CD96: variants seen among roughly 807,000 people sequenced by gnomAD.
The protein encoded by CD96 is T-cell surface protein tactile.
Under a neutral mutation model 71.3 loss-of-function variants are expected in CD96, and 70 were observed. The observed-to-expected ratio is 0.98, with a 90% CI of 0.81 to 1.20. The LOEUF (loss-of-function observed/expected upper bound fraction) is 1.20, where lower values mean the gene tolerates loss of function less well. Among genes scored for constraint, CD96 ranks in the 50% most tolerant of loss-of-function variants. The probability of loss-of-function intolerance (pLI) is 0.00; values close to 1 mark genes in which losing one functional copy is unlikely to be tolerated. For synonymous variants in CD96, 248 were observed against 233.0 expected (o/e 1.06, Z -0.59); for missense variants, 742 against 677.5 (o/e 1.10, Z -1.06).
chr3:111,660,771 G>T (rs1940335265), intron 14 of CD96, among the ~76,000 whole-genome samples: 1 of 152,218 alleles, frequency 6.6e-6, no homozygotes, highest in Admixed American at 6.5e-5. Context: ...AATGGGGAAA[G>T]AACTCCTAAT....
intron 14 of CD96, among the ~76,000 whole-genome samples, chr3:111,663,521 CA>C (rs1559785994): frequency 1.3e-5 from 2 of 151,804 alleles, no homozygotes; most frequent in Admixed American, 6.6e-5. Context: ...AATCAACAAG[CA>C]AAAAACAACT....
intron 12 of CD96, among the ~76,000 whole-genome samples, chr3:111,640,415 A>G (rs758631972): frequency 2.0e-5 from 3 of 152,206 alleles, no homozygotes; most frequent in Non-Finnish European, 4.4e-5. Context: ...AAGATCTTCA[A>G]ATTAACTCTG....
intron 5 of CD96, chr3:111,593,596 G>T (rs768726793): frequency 1.5e-5 from 24 of 1,558,060 alleles, no homozygotes; most frequent in East Asian, 2.3e-5. Context: ...TCTCCCGCTG[G>T]CATGCCTCCT....
chr3:111,597,084 A>C (rs186580204), intron 5 of CD96, among the ~76,000 whole-genome samples: 39 of 152,374 alleles, frequency 2.6e-4, no homozygotes, highest in African/African-American at 8.9e-4. Flanking sequence ...GGATTGGCAC[A>C]CAAATCATCA....
At chr3:111,643,765 G>T (rs558844323) in intron 12 of CD96, among the ~76,000 whole-genome samples, 1 of 149,398 alleles carries the variant, frequency 6.7e-6, no homozygotes, top group Admixed American at 6.7e-5. Context: ...AAATACTTAG[G>T]AATATCCTAA....
At chr3:111,639,927 G>A (rs1388490323) in intron 12 of CD96, among the ~76,000 whole-genome samples, 1 of 152,174 alleles carries the variant, frequency 6.6e-6, no homozygotes, top group Non-Finnish European at 1.5e-5. Flanking sequence ...CATAGGAAAA[G>A]GGGGAGCGTC....
At chr3:111,637,933 C>A (rs1344981777) in intron 11 of CD96, 146 bp from the exon 12 acceptor site, 6 of 661,964 alleles carry the variant, frequency 9.1e-6, no homozygotes, top group South Asian at 1.7e-5. Flanking sequence ...TAAATTGGTT[C>A]TTAATAAACT....
intron 1 of CD96, among the ~76,000 whole-genome samples, chr3:111,544,276 C>T (rs1337106494): frequency 6.6e-6 from 1 of 152,172 alleles, no homozygotes; most frequent in Non-Finnish European, 1.5e-5. Flanking sequence ...TCCCAAGTAG[C>T]TGGGACTACA....
intron 8 of CD96, among the ~76,000 whole-genome samples, chr3:111,614,252 A>T (rs1439697785): frequency 6.6e-6 from 1 of 152,128 alleles, no homozygotes; most frequent in Non-Finnish European, 1.5e-5. Flanking sequence ...GAGACAGGGA[A>T]TGTCTCTGAT....
At chr3:111,576,236 A>G (rs1936216929) in intron 3 of CD96, among the ~76,000 whole-genome samples, 1 of 152,216 alleles carries the variant, frequency 6.6e-6, no homozygotes, top group South Asian at 2.1e-4. Context: ...AGAACAGGAA[A>G]AGAAAAAACT....
At chr3:111,570,499 C>A in intron 3 of CD96, 1 of 827,192 alleles carries the variant, frequency 1.2e-6, no homozygotes, top group Non-Finnish European at 1.9e-6. Context: ...AGTGGAGCCA[C>A]CAAGGTAGAA....
chr3:111,581,376 G>C (rs1035841157), intron 4 of CD96, among the ~76,000 whole-genome samples: 1 of 152,008 alleles, frequency 6.6e-6, no homozygotes, highest in Non-Finnish European at 1.5e-5. Context: ...ACATCCCTTG[G>C]TGATTCCTCA....
rs145502668 is a variant in CD96, at chr3:111,611,629, A to G, written c.1180+4837A>G. Among the ~76,000 whole-genome samples the G allele has an allele frequency of 2.1e-4, 32 of 152,210 alleles. No homozygotes were observed. The East Asian group carries it at 6.2e-3, about 29-fold the overall frequency. On this transcript the variant is annotated intron_variant, in intron 8 of 13. Coordinates refer to ENST00000352690, the MANE Select transcript of CD96 (RefSeq NM_005816.5). The stretch of plus-strand genomic sequence containing the variant: ...CTTTATCAACATGTATCTGCTGCTG[A>G]AAAGTAAGAAAAGTCAGTGAGTGCT...
At chr3:111,602,694 C>T (rs1283652716) in intron 7 of CD96, among the ~76,000 whole-genome samples, 4 of 152,040 alleles carry the variant, frequency 2.6e-5, no homozygotes, top group Non-Finnish European at 5.9e-5. Context: ...ATGGTACTGC[C>T]GGATGCTTTA....
chr3:111,665,527 G>T (rs1436325857), exon 15 of CD96: 1 of 152,102 alleles, frequency 6.6e-6, no homozygotes, highest in African/African-American at 2.4e-5. Flanking sequence ...TCTACCCTAG[G>T]TATTGGCTGG....
intron 11 of CD96, among the ~76,000 whole-genome samples, chr3:111,637,569 G>A (rs1331405170): frequency 6.6e-6 from 1 of 152,058 alleles, no homozygotes; most frequent in Non-Finnish European, 1.5e-5. Flanking sequence ...TAGTCAACAT[G>A]GATTTGTTTA....
At position 111,650,964 on chromosome 3, in the gene CD96, A is replaced by G. The variant is rs1420392811; in HGVS notation, c.*1158A>G. 6.6e-6 allele frequency: 1 copy of G among 152,242 alleles called. No individual in the cohort carries two copies. Among genetic ancestry groups the G allele is most frequent in the Non-Finnish European group, 1.5e-5 (1 of 68,044 alleles). 9.4% of individuals were successfully genotyped at this position (152,242 alleles called of 1,614,324 possible). A position where few individuals can be genotyped will look rare whatever the true frequency, so the allele number is the denominator to read the frequency against. On this transcript the variant is annotated 3_prime_UTR_variant, in exon 14 of 14. Coordinates refer to ENST00000352690, the MANE Select transcript of CD96 (RefSeq NM_005816.5). ...AAATTCTGTGTGGACTTTAGTCCCA[A>G]AAGGAAACTTTAGTTCACTTGCAGT...
intron 3 of CD96, among the ~76,000 whole-genome samples, chr3:111,572,939 A>C (rs547449020): frequency 6.6e-6 from 1 of 152,324 alleles, no homozygotes; most frequent in Non-Finnish European, 1.5e-5. Context: ...GACTGGGAAT[A>C]CACTGAGGTA....
chr3:111,653,780 C>T (rs943612618), downstream of CD96, among the ~76,000 whole-genome samples: 1 of 151,870 alleles, frequency 6.6e-6, no homozygotes, highest in African/African-American at 2.4e-5. Context: ...TTTTTTTACA[C>T]TTGATCTTAG....
Sources: gnomAD v4.1 joint callset for allele counts (sites outside exome capture counted in the v4.1 genomes callset) on GRCh38, gnomAD v4.1.1 for gene constraint, MANE v1.5 for transcripts, NCBI Gene and HGNC (gene_info 2026-07-23, HGNC 2026-07-21) for gene names.